The following SEMA3B variants were observed in gnomAD, a reference collection of about 807,000 sequenced individuals.
The protein encoded by SEMA3B is semaphorin-3B.
A neutral mutation model predicts 77.8 loss-of-function variants in SEMA3B; 71 were observed. The ratio of observed to expected loss-of-function variants is 0.91; its 90% CI spans 0.75 to 1.11. The LOEUF is 1.11. Among genes scored for constraint, SEMA3B ranks in the 50% most tolerant of loss-of-function variants. The pLI is 0.00. For missense variants in SEMA3B, 968 were observed against 1,056.8 expected (o/e 0.92, Z 1.17); for synonymous variants, 470 against 452.9 (o/e 1.04, Z -0.48).
chr3:50,273,888 A>T lies in SEMA3B; in HGVS notation c.993-25A>T. On this transcript the variant is annotated intron_variant, in intron 9 of 16. Coordinates refer to ENST00000616701, the MANE Select transcript of SEMA3B (RefSeq NM_001290060.2). The surrounding 1 kb of genome is among the most constrained non-coding windows in gnomAD (Gnocchi z 6.5). Reference sequence around the variant, plus strand: ...GCCGCTGGGCTCCACCCGGCCCCTCACCTCGCCCTGGTCTTCGCCTCCAGC... The same window carrying T: ...GCCGCTGGGCTCCACCCGGCCCCTCTCCTCGCCCTGGTCTTCGCCTCCAGC... 6.4e-7 allele frequency: 1 copy of T among 1,566,792 alleles called. No individual in the cohort carries two copies. Among genetic ancestry groups the T allele is most frequent in the Non-Finnish European group, 8.7e-7 (1 of 1,154,566 alleles).
rs1553706165 is a variant in SEMA3B at position 50,274,675 on chromosome 3, CTT to C, written c.1357+95_1357+96del. 1 of 1,441,286 alleles carries C rather than the reference CTT, an allele frequency of 6.9e-7. No homozygotes were observed. The highest frequency in any genetic ancestry group is 2.3e-5 in the East Asian group (1 of 43,222). 89.3% of individuals were successfully genotyped at this position (1,441,286 alleles called of 1,614,324 possible). ...CCCTGTTCAGTCCCATCTCCACATC[CTT>C]TCCTGGGCTGTGTCTCCACCCTGTG... On this transcript the variant is annotated intron_variant, in intron 11 of 16. Transcript: ENST00000616701. The surrounding 1 kb of genome is among the most constrained non-coding windows in gnomAD (Gnocchi z 4.7).
rs1386850275 is a variant in SEMA3B, at chr3:50,274,851, A to G, written c.1366A>G (p.Thr456Ala). The change falls in exon 12 of 17, where the codon ACG (threonine) becomes GCG (alanine). Residue 456 changes from threonine to alanine, a missense_variant. Physicochemically the swap from Thr to Ala is moderately conservative, Grantham distance 58. Coordinates refer to ENST00000616701, the MANE Select transcript of SEMA3B (RefSeq NM_001290060.2). The surrounding 1 kb of genome is among the most constrained non-coding windows in gnomAD (Gnocchi z 4.7). ...CCTTCTCATCCCTGCAGACGTTGGCACGGTGCTGAAGGTGATCTCGGTCCC... is the reference window on the plus strand; with the variant it reads ...CCTTCTCATCCCTGCAGACGTTGGCGCGGTGCTGAAGGTGATCTCGGTCCC... ...DVLFIGTDVG[T>A]VLKVISVPKG... The G allele has an allele frequency of 6.2e-7, 1 of 1,610,868 alleles. No homozygotes were observed. Among genetic ancestry groups the G allele is most frequent in the African/African-American group, 1.3e-5 (1 of 74,876 alleles).
Position 50,276,373 on chromosome 3 carries a change from G to C in SEMA3B, c.1917G>C (p.Ser639=). ...LLLRRLRRRD[S]GVYLCAAVEQ... ...TGCGCAGGCTGCGGCGCCGGGACTC[G>C]GGCGTGTACTTGTGCGCCGCCGTCG... Residue 639 remains serine (S), a synonymous_variant, in exon 17 of 17, where the codon TCG becomes TCC. Transcript: ENST00000616701. This position sits in a 1 kb window ranked among gnomAD's most constrained non-coding sequence, Gnocchi z 5.8. 3.9e-6 allele frequency: 6 copies of C among 1,535,150 alleles called. No individual in the cohort carries two copies. The highest frequency in any genetic ancestry group is 5.2e-6 in the Non-Finnish European group (6 of 1,145,250).
rs1701231501 is a variant in SEMA3B, at chr3:50,276,089, C to CA, written c.1846-213_1846-212insA. The CA allele has an allele frequency of 1.3e-6, 1 of 789,078 alleles. No homozygotes were observed. The highest frequency in any genetic ancestry group is 1.9e-5 in the South Asian group (1 of 52,834). 48.9% of individuals were successfully genotyped at this position (789,078 alleles called of 1,614,324 possible). ...CTCCCATTAAGGTCCCTGACCACCC[C>CA]CCACCAAGTTCATGTAAACCCCGCC... On this transcript the variant is annotated intron_variant, in intron 16 of 16. Coordinates refer to ENST00000616701, the MANE Select transcript of SEMA3B (RefSeq NM_001290060.2). The surrounding 1 kb of genome is among the most constrained non-coding windows in gnomAD (Gnocchi z 5.8).
chr3:50,276,578 C>A lies in SEMA3B; in HGVS notation c.2122C>A (p.Arg708Ser). 6.4e-7 allele frequency: 1 copy of A among 1,553,400 alleles called. No homozygotes were observed. The highest frequency in any genetic ancestry group is 8.7e-7 in the Non-Finnish European group (1 of 1,155,112). Residue 708 changes from arginine to serine, a missense_variant, in exon 17 of 17, where the codon CGC becomes AGC. Arg to Ser is a moderately radical substitution (Grantham distance 110). Coordinates refer to ENST00000616701, the MANE Select transcript of SEMA3B (RefSeq NM_001290060.2). This position sits in a 1 kb window ranked among gnomAD's most constrained non-coding sequence, Gnocchi z 5.8. ...CGGAGGTGGCAGCGCGAACTCCCTG[C>A]GCATGTGCCGCCCGCAGCCTGCGCT... ...PGGGGSANSLRMCRPQPALQS... is the reference protein window; with the variant it reads ...PGGGGSANSLSMCRPQPALQS...
At chr3:50,262,726 T>A (rs1553704108), upstream of SEMA3B, among the ~76,000 whole-genome samples, 1 of 152,182 alleles carries the variant, frequency 6.6e-6, no homozygotes, top group African/African-American at 2.4e-5. Context: ...GAGTTTGACA[T>A]CTCATCCCAC....
In SEMA3B at chr3:50,277,004, T is replaced by G. The variant is rs1575477702; in HGVS notation, c.*298T>G. ...ACCAGGGCCGAGGAGGTGCCTGGAG[T>G]GCCCACCCTGGGAGACAGACCCCAC... is the stretch of plus-strand genomic sequence containing the variant. On this transcript the variant is annotated 3_prime_UTR_variant, in exon 17 of 17. Coordinates refer to ENST00000616701, the MANE Select transcript of SEMA3B (RefSeq NM_001290060.2). The G allele has an allele frequency of 2.5e-6, 1 of 398,256 alleles. No homozygotes were observed. Among genetic ancestry groups the G allele is most frequent in the Non-Finnish European group, 4.5e-6 (1 of 224,244 alleles). 24.7% of individuals were successfully genotyped at this position (398,256 alleles called of 1,614,324 possible). A position where few individuals can be genotyped will look rare whatever the true frequency, so the allele number is the denominator to read the frequency against.
chr3:50,265,570 A>G (rs1700880914), upstream of SEMA3B, among the ~76,000 whole-genome samples: 1 of 152,242 alleles, frequency 6.6e-6, no homozygotes. Flanking sequence ...GCAGCCCCAG[A>G]GCAAGGACCC....
Position 50,276,808 on chromosome 3 carries a change from G to A in SEMA3B, c.*102G>A. ...ACGGGTTGGGGCCGGGCACATTGGG[G>A]GTCACCGGCCGATGGAGACACCAAC... On this transcript the variant is annotated 3_prime_UTR_variant, in exon 17 of 17. Coordinates refer to ENST00000616701, the MANE Select transcript of SEMA3B (RefSeq NM_001290060.2). The surrounding 1 kb of genome is among the most constrained non-coding windows in gnomAD (Gnocchi z 5.8). The A allele has an allele frequency of 7.5e-7, 1 of 1,333,124 alleles. No homozygotes were observed. 82.6% of individuals were successfully genotyped at this position (1,333,124 alleles called of 1,614,324 possible).
Position 50,274,058 on chromosome 3 carries a change from G to C in SEMA3B, c.1137+1G>C, listed in dbSNP as rs201253791. On this transcript the variant is annotated splice_donor_variant, in intron 10 of 16. Coordinates refer to ENST00000616701, the MANE Select transcript of SEMA3B (RefSeq NM_001290060.2). LOFTEE classifies it high-confidence loss of function. This position sits in a 1 kb window ranked among gnomAD's most constrained non-coding sequence, Gnocchi z 4.7. ...CGTCCCCTACCCGCGGCCAGGCATG[G>C]TTCGTAGCCCAGGGACTTCTGCTAC... 3.1e-6 allele frequency: 5 copies of C among 1,613,048 alleles called. No individual in the cohort carries two copies. The highest frequency in any genetic ancestry group is 4.2e-6 in the Non-Finnish European group (5 of 1,179,622).
Position 50,275,594 on chromosome 3 carries a change from C to T in SEMA3B, c.1684C>T (p.Pro562Ser), listed in dbSNP as rs1553706437. The T allele has an allele frequency of 1.9e-6, 3 of 1,613,592 alleles. No homozygotes were observed. The highest frequency in any genetic ancestry group is 1.3e-5 in the African/African-American group (1 of 74,946). Residue 562 changes from proline to serine, a missense_variant, in exon 15 of 17, where the codon CCC (proline) becomes TCC (serine). Transcript: ENST00000616701. This position sits in a 1 kb window ranked among gnomAD's most constrained non-coding sequence, Gnocchi z 7.5. ...GCGGCAAGACGTAAGGAATGGCGAC[C>T]CCAGCACGTTGTGCTCCGGAGGTGA... is the stretch of plus-strand genomic sequence containing the variant. Reference protein sequence around the residue: ...FRRQDVRNGDPSTLCSGDSSR... With the variant: ...FRRQDVRNGDSSTLCSGDSSR...
At position 50,274,611 on chromosome 3, in the gene SEMA3B, G is replaced by A; in HGVS notation, c.1357+29G>A. 3 of 1,513,084 alleles carry A rather than the reference G, an allele frequency of 2.0e-6. No homozygotes were observed. In the South Asian group the frequency reaches 4.0e-5, roughly 20 times the overall value. The allele number at this position is 1,513,084 out of a possible 1,614,324, so 93.7% of individuals were successfully genotyped here. A position where few individuals can be genotyped will look rare whatever the true frequency, so the allele number is the denominator to read the frequency against. The stretch of plus-strand genomic sequence containing the variant: ...AGGGTCCCTCCACAGCGACCCCCAG[G>A]CTCCCAGCCAGGCCCTGTGGGCTGC... On this transcript the variant is annotated intron_variant, in intron 11 of 16. Transcript: ENST00000616701. This position sits in a 1 kb window ranked among gnomAD's most constrained non-coding sequence, Gnocchi z 4.7.
Position 50,275,139 on chromosome 3 carries a change from G to A in SEMA3B, c.1491+86G>A. 1 of 1,491,730 alleles carries A rather than the reference G, an allele frequency of 6.7e-7. No individual in the cohort carries two copies. The highest frequency in any genetic ancestry group is 8.9e-7 in the Non-Finnish European group (1 of 1,117,548). The allele number at this position is 1,491,730 out of a possible 1,614,324, so 92.4% of individuals were successfully genotyped here. A position where few individuals can be genotyped will look rare whatever the true frequency, so the allele number is the denominator to read the frequency against. On this transcript the variant is annotated intron_variant, in intron 13 of 16. Transcript: ENST00000616701. This position sits in a 1 kb window ranked among gnomAD's most constrained non-coding sequence, Gnocchi z 7.5. ...AGCCTCTGGCCCCTTTTGGTAGTTTGCAGTCCCGGGTTTGAGTACAGGCTC... is the reference window on the plus strand; with the variant it reads ...AGCCTCTGGCCCCTTTTGGTAGTTTACAGTCCCGGGTTTGAGTACAGGCTC...
At chr3:50,265,217 C>T (rs1190579635), upstream of SEMA3B, among the ~76,000 whole-genome samples, 1 of 152,174 alleles carries the variant, frequency 6.6e-6, no homozygotes, top group African/African-American at 2.4e-5. Flanking sequence ...GCCGCCCACG[C>T]CTGCCCCCAC....
At chr3:50,263,498 CAAAAAAAAAAAAA>C (rs1173351827), upstream of SEMA3B, 3 of 24,456 alleles carry the variant, frequency 1.2e-4, no homozygotes, top group African/African-American at 3.6e-4. Context: ...GATCCTGTCT[CAAAAAAAAAAAAA>C]AAAAAAAAAA....
At chr3:50,269,132 C>T, upstream of SEMA3B, 1 of 794,438 alleles carries the variant, frequency 1.3e-6, no homozygotes, top group Non-Finnish European at 2.1e-6. The surrounding 1 kb of genome is among the most constrained non-coding windows in gnomAD (Gnocchi z 4.0). Context: ...GCCTCCCGCC[C>T]TCGCCCTCAC....
Position 50,269,261 on chromosome 3 carries a change from C to T in SEMA3B, c.21C>T (p.Ala7=), listed in dbSNP as rs757588206. MGRAGA[A]AVIPGLALLW... ...CTGAGATGGGGCGGGCCGGGGCTGCCGCCGTGATCCCGGGCCTGGCCCTGC... is the reference window on the plus strand; with the variant it reads ...CTGAGATGGGGCGGGCCGGGGCTGCTGCCGTGATCCCGGGCCTGGCCCTGC... The change falls in exon 1 of 17, where the codon GCC becomes GCT. Residue 7 remains alanine (A), a synonymous_variant. Coordinates refer to ENST00000616701, the MANE Select transcript of SEMA3B (RefSeq NM_001290060.2). This position sits in a 1 kb window ranked among gnomAD's most constrained non-coding sequence, Gnocchi z 4.0. The T allele has an allele frequency of 1.5e-5, 23 of 1,536,984 alleles. No homozygotes were observed. Among genetic ancestry groups the T allele is most frequent in the Admixed American group, 2.0e-5 (1 of 50,966 alleles).
chr3:50,271,572 G>A lies in SEMA3B; in HGVS notation c.664+92G>A, dbSNP rs1031398829. ...CCCATAAAGTAAGTGAGCAGTGGGT[G>A]TGGCCAGGTCTTACCAAATACCCTC... On this transcript the variant is annotated intron_variant, in intron 6 of 16. Transcript: ENST00000616701. 1.1e-5 allele frequency: 17 copies of A among 1,521,946 alleles called. No homozygotes were observed. The South Asian group carries it at 1.5e-4, about 13-fold the overall frequency. 94.3% of individuals were successfully genotyped at this position (1,521,946 alleles called of 1,614,324 possible). A position where few individuals can be genotyped will look rare whatever the true frequency, so the allele number is the denominator to read the frequency against.
At chr3:50,266,898 A>T (rs1406536812), upstream of SEMA3B, 2 of 152,168 alleles carry the variant, frequency 1.3e-5, no homozygotes, top group Non-Finnish European at 2.9e-5. Context: ...CTAGAAAGAG[A>T]AGCCAGAGGA....
Sources: allele counts gnomAD v4.1 joint callset (sites outside exome capture counted in the v4.1 genomes callset), GRCh38; gene constraint gnomAD v4.1.1; non-coding constraint Gnocchi (gnomAD v3.1); transcripts MANE v1.5; gene names NCBI Gene and HGNC (gene_info 2026-07-23, HGNC 2026-07-21).